VAV2: variants seen among roughly 807,000 people sequenced by gnomAD.
VAV2 encodes vav guanine nucleotide exchange factor 2.
Under a neutral mutation model 132.5 loss-of-function variants are expected in VAV2, and 67 were observed. That is an observed-to-expected ratio of 0.51 (90% confidence interval 0.42 to 0.62). The LOEUF is 0.62. VAV2 is among the 20% of genes least tolerant of loss of function. The pLI is 0.00. For missense variants in VAV2, 938 were observed against 1,153.6 expected (o/e 0.81, Z 2.71); for synonymous variants, 492 against 443.5 (o/e 1.11, Z -1.37).
rs1288362944 is a variant in VAV2 at position 133,857,281 on chromosome 9, C to T, written c.380+4093G>A. ...GCCTCGCTGGGTGCCTTCCACAAAC[C>T]CCTCTCCCACTCTACAACCACAATC... On this transcript the variant is annotated intron_variant, in intron 3 of 29. Transcript: ENST00000371850. This position sits in a 1 kb window ranked among gnomAD's most constrained non-coding sequence, Gnocchi z 4.0. 6.6e-6 allele frequency among the ~76,000 whole-genome samples: 1 copy of T among 152,192 alleles called. No individual in the cohort carries two copies. The highest frequency in any genetic ancestry group is 2.4e-5 in the African/African-American group (1 of 41,442).
intron 3 of VAV2, among the ~76,000 whole-genome samples, chr9:133,848,292 A>AAAAAAAAAAAAAAC (rs1202920082): frequency 6.6e-6 from 1 of 151,666 alleles, no homozygotes; most frequent in Non-Finnish European, 1.5e-5. Context: ...AAAAAAAAAA[A>AAAAAAAAAAAAAAC]AAAAAAAAAA....
chr9:133,889,494 C>T (rs928336802), intron 2 of VAV2, among the ~76,000 whole-genome samples: 4 of 152,168 alleles, frequency 2.6e-5, no homozygotes, highest in African/African-American at 9.7e-5. Context: ...CCTGGAAAGA[C>T]TAAGGGATGC....
rs536941729 is a variant in VAV2, at chr9:133,889,498, G to A, written c.322-28066C>T. On this transcript the variant is annotated intron_variant, in intron 2 of 29. Transcript: ENST00000371850. The stretch of plus-strand genomic sequence containing the variant: ...ACCCTGAGACCCCTGGAAAGACTAA[G>A]GGATGCTTGGGAGGGAAAGGCACTG... Among the ~76,000 whole-genome samples, 12 of 152,306 alleles carry A rather than the reference G, an allele frequency of 7.9e-5. No individual in the cohort carries two copies. The South Asian group carries it at 2.3e-3, about 29-fold the overall frequency.
At position 133,910,299 on chromosome 9, in the gene VAV2, G is replaced by T. The variant is rs12346490; in HGVS notation, c.321+28804C>A. 7.9e-3 allele frequency among the ~76,000 whole-genome samples: 1,197 copies of T among 152,220 alleles called. 20 individuals are homozygous for T. The highest frequency in any genetic ancestry group is 0.027 in the African/African-American group (1,122 of 41,528). On this transcript the variant is annotated intron_variant, in intron 2 of 29. Coordinates refer to ENST00000371850, the MANE Select transcript of VAV2 (RefSeq NM_001134398.2). ...CAACCCTCCAAGACGAACAAACCCT[G>T]GTGAGTTTCGGCTCCTGATGTACTG...
At chr9:133,871,216 G>C (rs963423071) in intron 2 of VAV2, among the ~76,000 whole-genome samples, 1 of 147,166 alleles carries the variant, frequency 6.8e-6, no homozygotes, top group Non-Finnish European at 1.5e-5. Context: ...GGATGGATAA[G>C]TGGGTACGTA....
chr9:133,797,916 A>C, intron 9 of VAV2, 107 bp from the exon 10 acceptor site: 2 of 940,926 alleles, frequency 2.1e-6, no homozygotes, highest in Non-Finnish European at 3.2e-6. Context: ...CGCAACCAAC[A>C]GGCCCCTCCC....
At chr9:133,989,567 C>A (rs1405596509) in intron 1 of VAV2, among the ~76,000 whole-genome samples, 1 of 150,810 alleles carries the variant, frequency 6.6e-6, no homozygotes, top group African/African-American at 2.4e-5. Flanking sequence ...TGCCGGTAGT[C>A]CCAGCTACTC....
At chr9:133,989,123 G>A (rs2132317048) in intron 1 of VAV2, among the ~76,000 whole-genome samples, 1 of 152,208 alleles carries the variant, frequency 6.6e-6, no homozygotes, top group Non-Finnish European at 1.5e-5. Flanking sequence ...TGGATCACCT[G>A]AGGTCAGGAG....
intron 1 of VAV2, among the ~76,000 whole-genome samples, chr9:133,955,821 C>T (rs1443050334): frequency 1.0e-5 from 1 of 99,188 alleles, no homozygotes; most frequent in Admixed American, 1.1e-4. Flanking sequence ...CTCCTCCCCA[C>T]TCCTCCCCAC....
At chr9:133,855,988 C>T (rs1020141550) in intron 3 of VAV2, among the ~76,000 whole-genome samples, 63 of 152,216 alleles carry the variant, frequency 4.1e-4, no homozygotes, top group African/African-American at 1.5e-3. Context: ...AGAGGAATGA[C>T]GCAATGACCG....
At chr9:133,990,834 G>GAGGC (rs1842991661) in intron 1 of VAV2, among the ~76,000 whole-genome samples, 1 of 152,178 alleles carries the variant, frequency 6.6e-6, no homozygotes, top group Non-Finnish European at 1.5e-5. Context: ...GGCTCCCAGG[G>GAGGC]AGGCCTCTGA....
At chr9:133,784,207 C>G (rs1236194766) in intron 18 of VAV2, 110 bp downstream of exon 18, 12 of 1,234,560 alleles carry the variant, frequency 9.7e-6, no homozygotes, top group African/African-American at 1.5e-5. Flanking sequence ...CTCCCTTAAC[C>G]CCTCAGGGCC....
At chr9:133,795,536 T>TGCCCC (rs1396797030) in intron 12 of VAV2, 132 bp downstream of exon 12, 9 of 1,158,884 alleles carry the variant, frequency 7.8e-6, no homozygotes, top group Admixed American at 1.8e-5. Flanking sequence ...TGCCCTGCCC[T>TGCCCC]GCCCCAACTC....
At chr9:133,832,598 G>A (rs908180925) in intron 4 of VAV2, among the ~76,000 whole-genome samples, 3 of 151,346 alleles carry the variant, frequency 2.0e-5, no homozygotes, top group South Asian at 2.1e-4. Context: ...CACTCTTGTC[G>A]CCCAGGCTGG....
intron 1 of VAV2, among the ~76,000 whole-genome samples, chr9:133,960,702 C>A (rs955885323): frequency 3.3e-5 from 5 of 152,246 alleles, no homozygotes; most frequent in African/African-American, 1.2e-4. Flanking sequence ...AGGCTCTTTC[C>A]TCCCCCAGCC....
At chr9:133,964,021 T>G (rs557413497) in intron 1 of VAV2, among the ~76,000 whole-genome samples, 284 of 25,376 alleles carry the variant, frequency 0.011, 6 homozygotes, top group African/African-American at 0.03. Context: ...AATTATTCAT[T>G]CATATATATA....
chr9:133,781,790 G>A (rs950616802), intron 19 of VAV2, among the ~76,000 whole-genome samples: 1 of 152,226 alleles, frequency 6.6e-6, no homozygotes. Flanking sequence ...ATGAGGAGGG[G>A]GGCAAGGACA....
intron 16 of VAV2, among the ~76,000 whole-genome samples, chr9:133,786,258 G>A (rs1834219040): frequency 6.6e-6 from 1 of 152,244 alleles, no homozygotes; most frequent in African/African-American, 2.4e-5. Context: ...GCTCCTGTGA[G>A]CATGTGCACA....
intron 16 of VAV2, 89 bp from the exon 17 acceptor site, chr9:133,785,974 G>T: frequency 8.6e-7 from 1 of 1,158,550 alleles, no homozygotes; most frequent in Non-Finnish European, 1.3e-6. Context: ...TGTGCAGCAT[G>T]TGCACGTGTG....
Sources: allele counts gnomAD v4.1 joint callset (sites outside exome capture counted in the v4.1 genomes callset), GRCh38; gene constraint gnomAD v4.1.1; non-coding constraint Gnocchi (gnomAD v3.1); transcripts MANE v1.5; gene names NCBI Gene and HGNC (gene_info 2026-07-23, HGNC 2026-07-21).